Variants in MAP3K8 observed in about 807,000 individuals in gnomAD.
MAP3K8 encodes the protein mitogen-activated protein kinase kinase kinase 8, also known as Ewing sarcoma transformant.
A neutral mutation model predicts 45.8 loss-of-function variants in MAP3K8; 22 were observed. The ratio of observed to expected loss-of-function variants is 0.48; its 90% CI spans 0.34 to 0.69. The LOEUF (loss-of-function observed/expected upper bound fraction) is 0.69, where lower values mean the gene tolerates loss of function less well. MAP3K8 is among the 30% of genes least tolerant of loss of function. The pLI, the probability that MAP3K8 is intolerant of heterozygous loss-of-function variation, is 0.01. For missense variants in MAP3K8, 419 were observed against 585.0 expected (o/e 0.72, Z 2.93); for synonymous variants, 223 against 214.3 (o/e 1.04, Z -0.36).
At chr10:30,443,006 C>G (rs897371809) in intron 3 of MAP3K8, among the ~76,000 whole-genome samples, 1 of 152,142 alleles carries the variant, frequency 6.6e-6, no homozygotes, top group Non-Finnish European at 1.5e-5. Flanking sequence ...ACAAAGTTTC[C>G]TATTTGTCCA....
At position 30,458,188 on chromosome 10, in the gene MAP3K8, C is replaced by G. The variant is rs1256233519; in HGVS notation, c.978C>G (p.Pro326=). Residue 326 remains proline (P), a synonymous_variant, in exon 7 of 9, where the codon CCC becomes CCG. Coordinates refer to ENST00000263056, the MANE Select transcript of MAP3K8 (RefSeq NM_005204.4). ...TLIHMQTGTP[P]WVKRYPRSAY... is the part of the protein sequence containing the mutation. ...TCCACATGCAGACGGGCACCCCACC[C>G]TGGGTGAAGCGCTACCCTCGCTCAG... is the stretch of plus-strand genomic sequence containing the variant. The G allele has an allele frequency of 6.6e-7, 1 of 1,509,408 alleles. No individual in the cohort carries two copies. The highest frequency in any genetic ancestry group is 9.0e-7 in the Non-Finnish European group (1 of 1,115,792). The allele number at this position is 1,509,408 out of a possible 1,614,324, so 93.5% of individuals were successfully genotyped here. A position where few individuals can be genotyped will look rare whatever the true frequency, so the allele number is the denominator to read the frequency against.
At position 30,458,101 on chromosome 10, in the gene MAP3K8, G is replaced by A; in HGVS notation, c.891G>A (p.Glu297=). Residue 297 remains glutamate, a synonymous_variant, in exon 7 of 9, where the codon GAG becomes GAA. Coordinates refer to ENST00000263056, the MANE Select transcript of MAP3K8 (RefSeq NM_005204.4). ...TTTTTCAGATTTACATGAGCCCAGA[G>A]GTCATCCTGTGCAGGGGCCATTCAA... ...LRGTEIYMSP[E]VILCRGHSTK... is the part of the protein sequence containing the mutation. 1 of 1,568,386 alleles carries A rather than the reference G, an allele frequency of 6.4e-7. No individual in the cohort carries two copies.
chr10:30,437,393 G>A lies in MAP3K8; in HGVS notation c.-37G>A, dbSNP rs1006326456. On this transcript the variant is annotated 5_prime_UTR_variant, in exon 2 of 9. Transcript: ENST00000263056. ...GAGCTTGAACTCTGTTAATCCTCAC[G>A]ACCACCTCATGAGGTAGGTGCTGTT... 1.3e-6 allele frequency: 1 copy of A among 789,786 alleles called. No homozygotes were observed. Among genetic ancestry groups the A allele is most frequent in the Non-Finnish European group, 1.5e-6 (1 of 651,026 alleles). 48.9% of individuals were successfully genotyped at this position (789,786 alleles called of 1,614,324 possible).
chr10:30,439,468 G>T, intron 3 of MAP3K8, 194 bp downstream of exon 3: 1 of 1,165,870 alleles, frequency 8.6e-7, no homozygotes, highest in South Asian at 1.8e-5. Flanking sequence ...TCTATTTAAA[G>T]ATTCTTGATC....
At position 30,459,275 on chromosome 10, in the gene MAP3K8, A is replaced by C. The variant is rs1311489480; in HGVS notation, c.1047A>C (p.Pro349=). The C allele has an allele frequency of 6.2e-7, 1 of 1,614,192 alleles. No homozygotes were observed. Among genetic ancestry groups the C allele is most frequent in the Non-Finnish European group, 8.5e-7 (1 of 1,180,030 alleles). Residue 349 remains proline, a synonymous_variant, in exon 8 of 9, where the codon CCA becomes CCC. Coordinates refer to ENST00000263056, the MANE Select transcript of MAP3K8 (RefSeq NM_005204.4). ...GATAGATCCACAAGCAAGCACCTCCACTGGAAGACATTGCAGATGACTGCA... is the reference window on the plus strand; with the variant it reads ...GATAGATCCACAAGCAAGCACCTCCCCTGGAAGACATTGCAGATGACTGCA... ...YLYIIHKQAP[P]LEDIADDCSP...
At chr10:30,445,220 A>C (rs1836276440) in intron 3 of MAP3K8, among the ~76,000 whole-genome samples, 1 of 152,106 alleles carries the variant, frequency 6.6e-6, no homozygotes, top group African/African-American at 2.4e-5. Context: ...AACATGGTGA[A>C]ACCCCATTTC....
chr10:30,454,151 GC>G (rs1310813602), intron 6 of MAP3K8, among the ~76,000 whole-genome samples: 3 of 152,102 alleles, frequency 2.0e-5, no homozygotes, highest in Non-Finnish European at 4.4e-5. Flanking sequence ...TCAGCCCCAT[GC>G]CCTTCTCTTT....
At chr10:30,455,863 C>T (rs144875558) in intron 6 of MAP3K8, among the ~76,000 whole-genome samples, 4 of 152,300 alleles carry the variant, frequency 2.6e-5, no homozygotes, top group East Asian at 1.9e-4. Flanking sequence ...CCAGAGTGCT[C>T]GAACATTATG....
At chr10:30,458,272 G>GGGT (rs1554774883) in intron 7 of MAP3K8, 36 bp downstream of exon 7, 2 of 1,365,478 alleles carry the variant, frequency 1.5e-6, no homozygotes, top group Non-Finnish European at 1.9e-6. Flanking sequence ...GGGCGGCGGG[G>GGGT]GGGGGCGTTG....
chr10:30,451,233 G>A (rs1588783759), intron 5 of MAP3K8, among the ~76,000 whole-genome samples: 1 of 152,052 alleles, frequency 6.6e-6, no homozygotes, highest in Admixed American at 6.6e-5. Flanking sequence ...TGTTTTCTAG[G>A]AGTCTGATAT....
rs1317308576 is a variant in MAP3K8 at position 30,461,803 on chromosome 10, A to C, written c.*967A>C. 5.5e-6 allele frequency: 1 copy of C among 181,270 alleles called. No homozygotes were observed. The highest frequency in any genetic ancestry group is 2.4e-5 in the African/African-American group (1 of 42,400). The allele number at this position is 181,270 out of a possible 1,614,324, so 11.2% of individuals were successfully genotyped here. ...ACTTTTGTCCAATGTGGTTGGTCAA[A>C]TCAACTGAATAAATTCAGTATTTTG... On this transcript the variant is annotated 3_prime_UTR_variant, in exon 9 of 9. Coordinates refer to ENST00000263056, the MANE Select transcript of MAP3K8 (RefSeq NM_005204.4).
chr10:30,457,601 G>A (rs996079849), intron 6 of MAP3K8, among the ~76,000 whole-genome samples: 3 of 152,142 alleles, frequency 2.0e-5, no homozygotes, highest in Non-Finnish European at 4.4e-5. Context: ...CCTGGTTCTA[G>A]GCTCTTTGCC....
At chr10:30,456,175 A>T (rs1007673795) in intron 6 of MAP3K8, among the ~76,000 whole-genome samples, 1 of 152,092 alleles carries the variant, frequency 6.6e-6, no homozygotes, top group Non-Finnish European at 1.5e-5. Flanking sequence ...TACCCATTGC[A>T]TTTCTTTTTC....
At chr10:30,451,023 C>A (rs756993168) in intron 5 of MAP3K8, among the ~76,000 whole-genome samples, 15 of 144,324 alleles carry the variant, frequency 1.0e-4, no homozygotes, top group Non-Finnish European at 1.5e-5. Context: ...ATCTGGGAGG[C>A]GGAGGTTGCA....
At chr10:30,459,590 GA>G in intron 8 of MAP3K8, 89 bp downstream of exon 8, 11 of 1,459,824 alleles carry the variant, frequency 7.5e-6, no homozygotes, top group East Asian at 2.3e-5. Flanking sequence ...AAAGCACTTG[GA>G]AAAAAAGGAA....
chr10:30,447,967 A>G lies in MAP3K8; in HGVS notation c.504+18A>G. The G allele has an allele frequency of 6.3e-7, 1 of 1,589,712 alleles. No homozygotes were observed. Among genetic ancestry groups the G allele is most frequent in the South Asian group, 1.1e-5 (1 of 87,152 alleles). On this transcript the variant is annotated intron_variant, in intron 4 of 8. Coordinates refer to ENST00000263056, the MANE Select transcript of MAP3K8 (RefSeq NM_005204.4). ...GTAAACTGGTATGTGTTTTCTACCT[A>G]GATAACCCACACTGTGTGTTTGGCA...
intron 5 of MAP3K8, among the ~76,000 whole-genome samples, chr10:30,450,829 C>A (rs58864555): frequency 6.6e-6 from 1 of 151,814 alleles, no homozygotes; most frequent in Non-Finnish European, 1.5e-5. Flanking sequence ...CGCCTGTAAT[C>A]TCAGCACTTT....
rs745882056 is a variant in MAP3K8, at chr10:30,439,079, G to A, written c.141G>A (p.Met47Ile). 8.1e-6 allele frequency: 13 copies of A among 1,614,196 alleles called. No individual in the cohort carries two copies. In the Admixed American group the frequency reaches 2.2e-4, roughly 27 times the overall value. The change falls in exon 3 of 9, where the codon ATG becomes ATA. Residue 47 changes from methionine (M) to isoleucine (I), a missense_variant. By Grantham distance (10) the Met-to-Ile change is conservative (BLOSUM62 1). This residue lies in a region of MAP3K8 where 102 missense variants were observed against 93.5 expected (regional missense o/e 1.09). Coordinates refer to ENST00000263056, the MANE Select transcript of MAP3K8 (RefSeq NM_005204.4). ...CAGCAGTTTATGAACCCAGTCTAAT[G>A]ACCATGTGTCAAGACAGTAATCAAA... is the stretch of plus-strand genomic sequence containing the variant. The part of the protein sequence containing the change: ...EEPAVYEPSL[M>I]TMCQDSNQND...
At chr10:30,453,646 C>T (rs1223248671) in intron 6 of MAP3K8, among the ~76,000 whole-genome samples, 1 of 152,138 alleles carries the variant, frequency 6.6e-6, no homozygotes, top group Non-Finnish European at 1.5e-5. Flanking sequence ...TGACACAAGG[C>T]AGTGAGGAGC....
Sources: allele counts gnomAD v4.1 joint callset (sites outside exome capture counted in the v4.1 genomes callset), GRCh38; gene constraint gnomAD v4.1.1; regional missense constraint gnomAD v4.1.1; transcripts MANE v1.5; gene names NCBI Gene and HGNC (gene_info 2026-07-23, HGNC 2026-07-21).